The following MYO3A variants were observed in gnomAD, a reference collection of about 807,000 sequenced individuals.
The protein encoded by MYO3A is myosin IIIA, also known as myosin-IIIa.
In MYO3A, 180 loss-of-function variants were observed where a neutral mutation model predicts 192.7. That is an observed-to-expected ratio of 0.93 (90% CI 0.83 to 1.06). The LOEUF (loss-of-function observed/expected upper bound fraction) is 1.06. Ranked by LOEUF, MYO3A falls within the 50% of genes least tolerant of loss-of-function variation. The pLI, the probability that MYO3A is intolerant of heterozygous loss-of-function variation, is 0.00. For missense variants in MYO3A, 1,896 were observed against 1,905.0 expected (o/e 1.00, Z 0.09); for synonymous variants, 628 against 645.3 (o/e 0.97, Z 0.41).
chr10:25,941,902 C>T (rs11014873), intron 2 of MYO3A, among the ~76,000 whole-genome samples: 4 of 152,184 alleles, frequency 2.6e-5, no homozygotes, highest in African/African-American at 4.8e-5. Context: ...AACGTCTTCT[C>T]GGCTCATCCC....
At chr10:26,033,655 A>G (rs750320668) in intron 10 of MYO3A, among the ~76,000 whole-genome samples, 6 of 152,234 alleles carry the variant, frequency 3.9e-5, no homozygotes, top group Non-Finnish European at 8.8e-5. Context: ...TGAATCCTTT[A>G]TAGAGCCTGT....
intron 32 of MYO3A, among the ~76,000 whole-genome samples, chr10:26,194,352 C>G (rs1843301848): frequency 6.6e-6 from 1 of 152,174 alleles, no homozygotes; most frequent in Non-Finnish European, 1.5e-5. Context: ...GCTTTTCAGC[C>G]TCTTTTCTTG....
rs377329867 is a variant in MYO3A, at chr10:26,097,374, G to A, written c.1776+692G>A. 7.2e-5 allele frequency among the ~76,000 whole-genome samples: 11 copies of A among 151,884 alleles called. No individual in the cohort carries two copies. In the South Asian group the frequency reaches 2.3e-3, roughly 32 times the overall value. ...AGTACTTCATTTTTTTTTAAAGTAA[G>A]TTCTTTAACGTTTTATTTTTTTTTA... On this transcript the variant is annotated intron_variant, in intron 17 of 34. Coordinates refer to ENST00000642920, the MANE Select transcript of MYO3A (RefSeq NM_017433.5).
At chr10:26,181,524 A>C (rs1842617062) in intron 31 of MYO3A, among the ~76,000 whole-genome samples, 1 of 152,184 alleles carries the variant, frequency 6.6e-6, no homozygotes, top group South Asian at 2.1e-4. Context: ...TAGCACTCTC[A>C]ATGGAAAAAT....
intron 20 of MYO3A, among the ~76,000 whole-genome samples, chr10:26,130,537 G>A (rs944759984): frequency 6.6e-5 from 10 of 152,130 alleles, no homozygotes; most frequent in Non-Finnish European, 1.2e-4. Context: ...AGAGGATTTT[G>A]AAATAAAACA....
At chr10:25,976,657 C>T (rs1197309959) in intron 4 of MYO3A, among the ~76,000 whole-genome samples, 2 of 152,102 alleles carry the variant, frequency 1.3e-5, no homozygotes, top group African/African-American at 2.4e-5. Context: ...AATTCATTTT[C>T]AGTGCTGCTC....
intron 2 of MYO3A, among the ~76,000 whole-genome samples, chr10:25,949,921 G>C (rs938837206): frequency 3.9e-5 from 6 of 152,104 alleles, no homozygotes; most frequent in African/African-American, 1.4e-4. Context: ...TTAGGTCTCT[G>C]CTGTCAGAAT....
chr10:26,035,467 A>G (rs1842981137), intron 10 of MYO3A, among the ~76,000 whole-genome samples: 1 of 152,256 alleles, frequency 6.6e-6, no homozygotes. Flanking sequence ...TGTTGCTTCA[A>G]AATGAAACAG....
In MYO3A at chr10:25,946,748, G is replaced by A. The variant is rs532723689; in HGVS notation, c.-17-5346G>A. Among the ~76,000 whole-genome samples the A allele has an allele frequency of 6.5e-4, 99 of 151,360 alleles. 1 individual carries two copies. The highest frequency in any genetic ancestry group is 2.1e-3 in the African/African-American group (86 of 41,324). On this transcript the variant is annotated intron_variant, in intron 2 of 34. Coordinates refer to ENST00000642920, the MANE Select transcript of MYO3A (RefSeq NM_017433.5). ...CAAAAAATTAGCCGGGCATGGTAGC[G>A]GGCACCTGTAATCCCGCTACACGGG...
intron 2 of MYO3A, among the ~76,000 whole-genome samples, chr10:25,950,464 A>T (rs190096749): frequency 6.6e-6 from 1 of 152,304 alleles, no homozygotes; most frequent in East Asian, 1.9e-4. Context: ...ACAGAAGTGC[A>T]GTAGGGTTGC....
intron 10 of MYO3A, among the ~76,000 whole-genome samples, chr10:26,028,454 C>A (rs1421250527): frequency 2.0e-5 from 3 of 152,168 alleles, no homozygotes; most frequent in Non-Finnish European, 2.9e-5. Context: ...AAGAAAGAAG[C>A]AGATATGTAG....
At chr10:26,069,166 A>G (rs1312539366) in intron 12 of MYO3A, among the ~76,000 whole-genome samples, 1 of 152,064 alleles carries the variant, frequency 6.6e-6, no homozygotes, top group Non-Finnish European at 1.5e-5. Context: ...GATGCCTTTA[A>G]AAGCATATAC....
intron 34 of MYO3A, among the ~76,000 whole-genome samples, chr10:26,205,853 T>G (rs1843908043): frequency 6.6e-6 from 1 of 152,038 alleles, no homozygotes; most frequent in South Asian, 2.1e-4. Flanking sequence ...TCTTCTGACC[T>G]TGTGATTTGC....
At chr10:26,103,898 G>C (rs546907790) in intron 17 of MYO3A, among the ~76,000 whole-genome samples, 224 of 152,296 alleles carry the variant, frequency 1.5e-3, no homozygotes, top group Non-Finnish European at 2.4e-3. Context: ...TGAATGTGAA[G>C]TGGTATCACA....
chr10:25,953,784 T>G (rs1328353778), intron 3 of MYO3A, among the ~76,000 whole-genome samples: 5 of 152,172 alleles, frequency 3.3e-5, no homozygotes, highest in Non-Finnish European at 7.4e-5. Context: ...TCATGACTAT[T>G]AAGCTTAATT....
At chr10:26,095,861 A>G (rs1234047461) in intron 15 of MYO3A, among the ~76,000 whole-genome samples, 3 of 152,230 alleles carry the variant, frequency 2.0e-5, no homozygotes, top group Non-Finnish European at 4.4e-5. Context: ...CTTTGGGGTC[A>G]AATAGACCTG....
intron 23 of MYO3A, among the ~76,000 whole-genome samples, chr10:26,152,768 A>C (rs1331097799): frequency 6.6e-6 from 1 of 152,202 alleles, no homozygotes; most frequent in Non-Finnish European, 1.5e-5. Flanking sequence ...TCACATTTTG[A>C]AAAGTGAACA....
At chr10:26,088,488 A>C in intron 15 of MYO3A, 83 bp downstream of exon 15, 3 of 1,346,626 alleles carry the variant, frequency 2.2e-6, no homozygotes, top group Non-Finnish European at 3.1e-6. Flanking sequence ...TTTCTCATTC[A>C]ATAAAATTTT....
rs1440649962 is a variant in MYO3A at position 26,070,167 on chromosome 10, A to G, written c.1227A>G (p.Ala409=). ...CTGCCAGTCCTCCTCACATTTTTGC[A>G]ATGGCTGACTTAGGATATCAATCTA... ...KRTASPPHIF[A]MADLGYQSMI... The change falls in exon 13 of 35, where the codon GCA becomes GCG. Residue 409 remains alanine (A), a synonymous_variant. Coordinates refer to ENST00000642920, the MANE Select transcript of MYO3A (RefSeq NM_017433.5). 2 of 1,612,526 alleles carry G rather than the reference A, an allele frequency of 1.2e-6. No homozygotes were observed. The highest frequency in any genetic ancestry group is 2.2e-5 in the South Asian group (2 of 91,028).
Sources: allele counts gnomAD v4.1 joint callset (sites outside exome capture counted in the v4.1 genomes callset), GRCh38; gene constraint gnomAD v4.1.1; transcripts MANE v1.5; gene names NCBI Gene and HGNC (gene_info 2026-07-23, HGNC 2026-07-21).